The following COL25A1 variants were observed in gnomAD, a reference collection of about 807,000 sequenced individuals.
COL25A1 encodes the protein collagen type XXV alpha 1 chain.
A neutral mutation model predicts 128.4 loss-of-function variants in COL25A1; 103 were observed. That is an observed-to-expected ratio of 0.80 (90% CI 0.68 to 0.94). COL25A1 has a LOEUF of 0.94. Among genes scored for constraint, COL25A1 ranks in the 40% least tolerant of loss-of-function variants. COL25A1 has a pLI of 0.00. For missense variants in COL25A1, 745 were observed against 840.0 expected (o/e 0.89, Z 1.40); for synonymous variants, 279 against 277.2 (o/e 1.01, Z -0.06).
At chr4:109,069,591 A>G (rs1762744225) in intron 3 of COL25A1, among the ~76,000 whole-genome samples, 1 of 152,206 alleles carries the variant, frequency 6.6e-6, no homozygotes, top group Admixed American at 6.5e-5. Flanking sequence ...CAGTCCCAGC[A>G]GTGTAAGTAT....
chr4:108,922,619 C>T (rs1053635007), intron 11 of COL25A1, among the ~76,000 whole-genome samples: 2 of 152,068 alleles, frequency 1.3e-5, no homozygotes, highest in African/African-American at 2.4e-5. Flanking sequence ...GTTGCATAAT[C>T]ACACAAAATC....
intron 8 of COL25A1, among the ~76,000 whole-genome samples, chr4:108,949,204 G>C (rs1749117395): frequency 6.6e-6 from 1 of 152,154 alleles, no homozygotes; most frequent in South Asian, 2.1e-4. Flanking sequence ...AACTGGATCA[G>C]AGCTATTCTC....
intron 13 of COL25A1, among the ~76,000 whole-genome samples, chr4:108,915,360 TCTCTCC>T (rs1560856111): frequency 1.3e-5 from 2 of 152,166 alleles, no homozygotes; most frequent in Non-Finnish European, 1.5e-5. Flanking sequence ...TCTTTCTCTC[TCTCTCC>T]CTTTCTTTTT....
At chr4:109,132,225 T>C (rs1009785574) in intron 3 of COL25A1, among the ~76,000 whole-genome samples, 3 of 152,132 alleles carry the variant, frequency 2.0e-5, no homozygotes, top group African/African-American at 7.2e-5. Context: ...ATCTTTACAA[T>C]ATATATAATA....
intron 3 of COL25A1, among the ~76,000 whole-genome samples, chr4:109,229,023 A>C (rs1778987167): frequency 6.6e-6 from 1 of 152,226 alleles, no homozygotes; most frequent in Non-Finnish European, 1.5e-5. Context: ...GATCTAGAGA[A>C]GTAGCAAAAT....
At chr4:109,119,106 A>T (rs1413556383) in intron 3 of COL25A1, among the ~76,000 whole-genome samples, 1 of 152,076 alleles carries the variant, frequency 6.6e-6, no homozygotes, top group Non-Finnish European at 1.5e-5. Context: ...ACTTCTAAAT[A>T]ACACATAGGT....
Position 108,965,210 on chromosome 4 carries a change from C to A in COL25A1, c.492+9157G>T, listed in dbSNP as rs1040533865. Among the ~76,000 whole-genome samples the A allele has an allele frequency of 2.0e-5, 3 of 152,220 alleles. No homozygotes were observed. The East Asian group carries it at 5.8e-4, about 29-fold the overall frequency. On this transcript the variant is annotated intron_variant, in intron 8 of 37. Transcript: ENST00000399132. ...GTCCCAGCTGTTATGAAAATTTACT[C>A]GAATACACTAGGAGGAGAAAGGAAT...
chr4:108,879,391 T>C (rs1029995508), intron 19 of COL25A1, among the ~76,000 whole-genome samples: 2 of 152,016 alleles, frequency 1.3e-5, no homozygotes, highest in Non-Finnish European at 2.9e-5. Flanking sequence ...CATGTTTTTT[T>C]TTCCCCCAAT....
rs534685577 is a variant in COL25A1, at chr4:109,112,788, T to A, written c.368-62609A>T. The stretch of plus-strand genomic sequence containing the variant: ...ACTTCATCATATTTCCACAAAGCTT[T>A]TCCTATTTCTTTGTGCAGCATTCTT... On this transcript the variant is annotated intron_variant, in intron 3 of 37. Coordinates refer to ENST00000399132, the MANE Select transcript of COL25A1 (RefSeq NM_198721.4). 3.3e-5 allele frequency among the ~76,000 whole-genome samples: 5 copies of A among 152,174 alleles called. No individual in the cohort carries two copies. In the East Asian group the frequency reaches 7.7e-4, roughly 23 times the overall value.
At chr4:109,143,688 G>C (rs1770655744) in intron 3 of COL25A1, among the ~76,000 whole-genome samples, 1 of 151,908 alleles carries the variant, frequency 6.6e-6, no homozygotes, top group Non-Finnish European at 1.5e-5. Context: ...TCTTCCACTT[G>C]ATCAATTCAG....
intron 3 of COL25A1, among the ~76,000 whole-genome samples, chr4:109,168,202 G>A (rs544795669): frequency 6.6e-6 from 1 of 152,260 alleles, no homozygotes; most frequent in African/African-American, 2.4e-5. Context: ...TGAAATTTTA[G>A]TATATCCCTC....
intron 3 of COL25A1, among the ~76,000 whole-genome samples, chr4:109,203,567 A>G (rs917583145): frequency 1.3e-5 from 2 of 152,168 alleles, no homozygotes; most frequent in Non-Finnish European, 2.9e-5. Context: ...CCACCAGTCC[A>G]GAGGGAGAAC....
chr4:109,022,415 G>C (rs924165305), intron 5 of COL25A1, among the ~76,000 whole-genome samples: 1 of 152,216 alleles, frequency 6.6e-6, no homozygotes, highest in African/African-American at 2.4e-5. Flanking sequence ...AAAGAGAAGA[G>C]GTGGGCTGCT....
chr4:109,173,567 T>C (rs986726388), intron 3 of COL25A1, among the ~76,000 whole-genome samples: 2 of 152,218 alleles, frequency 1.3e-5, no homozygotes, highest in African/African-American at 4.8e-5. Flanking sequence ...TTCTATGAGC[T>C]TCTCTATGAG....
rs34132262 is a variant in COL25A1, at chr4:109,178,835, CAAAAAAAAAAAAAA to C, written c.367+121734_367+121747del. On this transcript the variant is annotated intron_variant, in intron 3 of 37. Coordinates refer to ENST00000399132, the MANE Select transcript of COL25A1 (RefSeq NM_198721.4). ...GGGCAACAGAGCAAGACTCCATCTC[CAAAAAAAAAAAAAA>C]AAAAAAAAAAATGGATTTCATATCA... is the stretch of plus-strand genomic sequence containing the variant. Among the ~76,000 whole-genome samples, 15 of 47,560 alleles carry C rather than the reference CAAAAAAAAAAAAAA, an allele frequency of 3.2e-4. 1 individual carries two copies. The South Asian group carries it at 0.011, about 34-fold the overall frequency. 31.2% of individuals were successfully genotyped at this position (47,560 alleles called of 152,430 possible). A position where few individuals can be genotyped will look rare whatever the true frequency, so the allele number is the denominator to read the frequency against.
At chr4:109,208,207 C>A (rs1777163211) in intron 3 of COL25A1, among the ~76,000 whole-genome samples, 1 of 152,170 alleles carries the variant, frequency 6.6e-6, no homozygotes, top group Non-Finnish European at 1.5e-5. Context: ...TCAGTCTGGG[C>A]AAAACTACTT....
chr4:108,984,987 G>A (rs1264612591), intron 6 of COL25A1, among the ~76,000 whole-genome samples: 1 of 152,204 alleles, frequency 6.6e-6, no homozygotes, highest in East Asian at 1.9e-4. Context: ...GATGTTCCTT[G>A]GAGTCTAAAG....
At chr4:109,235,814 T>C (rs17040153) in intron 3 of COL25A1, among the ~76,000 whole-genome samples, 72,083 of 151,818 alleles carry the variant, frequency 0.47, 17,951 homozygotes, top group African/African-American at 0.57. Flanking sequence ...ATTTTGCAGT[T>C]ACATTCAGGT....
At chr4:109,124,657 C>T (rs2126059228) in intron 3 of COL25A1, among the ~76,000 whole-genome samples, 1 of 151,978 alleles carries the variant, frequency 6.6e-6, no homozygotes, top group South Asian at 2.1e-4. Flanking sequence ...CCCTCTACAG[C>T]AGATGTCCAA....
Sources: allele counts gnomAD v4.1 joint callset (sites outside exome capture counted in the v4.1 genomes callset), GRCh38; gene constraint gnomAD v4.1.1; transcripts MANE v1.5; gene names NCBI Gene and HGNC (gene_info 2026-07-23, HGNC 2026-07-21).